Variants in SOD1 observed in about 807,000 individuals in gnomAD.
SOD1 encodes superoxide dismutase [Cu-Zn].
Under a neutral mutation model 15.9 loss-of-function variants are expected in SOD1, and 8 were observed. The ratio of observed to expected loss-of-function variants is 0.50; its 90% CI spans 0.30 to 0.91. SOD1 has a LOEUF of 0.91. Among genes scored for constraint, SOD1 ranks in the 40% least tolerant of loss-of-function variants. The pLI is 0.07. For synonymous variants in SOD1, 86 were observed against 71.2 expected, an observed-to-expected ratio of 1.21 and a Z score of -1.04; for missense variants, 137 against 194.5, an observed-to-expected ratio of 0.70 and a Z score of 1.76.
At chr21:31,661,394 C>T (rs903831664) in intron 1 of SOD1, among the ~76,000 whole-genome samples, 3 of 152,194 alleles carry the variant, frequency 2.0e-5, no homozygotes, top group Non-Finnish European at 2.9e-5. Context: ...GACCAAGTCT[C>T]GCTCTGTCGC....
intron 4 of SOD1, among the ~76,000 whole-genome samples, 187 bp downstream of exon 4, chr21:31,667,562 C>T (rs1955205684): frequency 6.6e-6 from 1 of 152,170 alleles, no homozygotes; most frequent in African/African-American, 2.4e-5. Context: ...CAGTTAAGAA[C>T]ACTGTTCTGC....
At chr21:31,663,664 T>G (rs1468522502) in intron 1 of SOD1, 126 bp from the exon 2 acceptor site, 1 of 730,120 alleles carries the variant, frequency 1.4e-6, no homozygotes, top group Non-Finnish European at 2.4e-6. Context: ...GTGGTCAGCC[T>G]GGGATTTGGA....
chr21:31,666,658 G>T, intron 3 of SOD1, 140 bp downstream of exon 3: 1 of 717,776 alleles, frequency 1.4e-6, no homozygotes. Context: ...CTAAACCCCT[G>T]CTCCCAAATG....
chr21:31,667,629 CAG>C (rs1439248643), intron 4 of SOD1, among the ~76,000 whole-genome samples: 5 of 152,198 alleles, frequency 3.3e-5, no homozygotes, highest in African/African-American at 1.2e-4. Flanking sequence ...GTTTGGAAAA[CAG>C]AAGTAGTCTT....
chr21:31,668,772 CT>C lies in SOD1; in HGVS notation c.*195del, dbSNP rs2049622955. ...GGAAGATTTGTATAGTTTTATAAAACTCAGTTAAAATGTCTGTTTCAATGAC... is the reference window on the plus strand; with the variant it reads ...GGAAGATTTGTATAGTTTTATAAAACCAGTTAAAATGTCTGTTTCAATGAC... On this transcript the variant is annotated 3_prime_UTR_variant, in exon 5 of 5. Coordinates refer to ENST00000270142, the MANE Select transcript of SOD1 (RefSeq NM_000454.5). 1.7e-6 allele frequency: 1 copy of C among 580,540 alleles called. No individual in the cohort carries two copies. Among genetic ancestry groups the C allele is most frequent in the Non-Finnish European group, 3.1e-6 (1 of 325,000 alleles). The allele number at this position is 580,540 out of a possible 1,614,324, so 36.0% of individuals were successfully genotyped here.
chr21:31,666,717 A>G (rs912316885), intron 3 of SOD1, 199 bp downstream of exon 3: 4 of 618,662 alleles, frequency 6.5e-6, no homozygotes, highest in Non-Finnish European at 8.6e-6. Context: ...AAATGGGGAC[A>G]CTTAAAACGA....
chr21:31,660,865 C>G (rs2049543007), intron 1 of SOD1, among the ~76,000 whole-genome samples: 1 of 152,190 alleles, frequency 6.6e-6, no homozygotes, highest in African/African-American at 2.4e-5. Context: ...TAACTGTTGT[C>G]GGAGCATTTC....
At chr21:31,659,874 C>T in intron 1 of SOD1, 33 bp downstream of exon 1, 1 of 1,592,180 alleles carries the variant, frequency 6.3e-7, no homozygotes, top group Non-Finnish European at 8.6e-7. Context: ...GTTTGCGAGG[C>T]CGCTCCCACC....
chr21:31,662,541 C>T (rs2049556930), intron 1 of SOD1, among the ~76,000 whole-genome samples: 2 of 152,152 alleles, frequency 1.3e-5, no homozygotes, highest in African/African-American at 2.4e-5. Context: ...CACGGAGCAC[C>T]ATTACCTGTC....
At chr21:31,662,085 A>G (rs1335235791) in intron 1 of SOD1, among the ~76,000 whole-genome samples, 1 of 152,102 alleles carries the variant, frequency 6.6e-6, no homozygotes, top group Non-Finnish European at 1.5e-5. Context: ...GGCCTGTGTT[A>G]TTCACTTAAG....
At chr21:31,664,437 T>G (rs988106686) in intron 2 of SOD1, 1 of 183,528 alleles carries the variant, frequency 5.4e-6, no homozygotes, top group African/African-American at 2.4e-5. Flanking sequence ...GTGGACCTGC[T>G]TCTGAAGGTC....
Position 31,659,699 on chromosome 21 carries a change from T to A in SOD1, c.-71T>A. 3 of 1,510,304 alleles carry A rather than the reference T, an allele frequency of 2.0e-6. No individual in the cohort carries two copies. Among genetic ancestry groups the A allele is most frequent in the Non-Finnish European group, 2.8e-6 (3 of 1,086,904 alleles). The allele number at this position is 1,510,304 out of a possible 1,614,324, so 93.6% of individuals were successfully genotyped here. A position where few individuals can be genotyped will look rare whatever the true frequency, so the allele number is the denominator to read the frequency against. On this transcript the variant is annotated 5_prime_UTR_variant, in exon 1 of 5. Transcript: ENST00000270142. ...GGAGACGGGGTGCTGGTTTGCGTCGTAGTCTCCTGCAGCGTCTGGGGTTTC... is the reference window on the plus strand; with the variant it reads ...GGAGACGGGGTGCTGGTTTGCGTCGAAGTCTCCTGCAGCGTCTGGGGTTTC...
At chr21:31,660,267 A>T (rs1568807766) in intron 1 of SOD1, 2 of 152,360 alleles carry the variant, frequency 1.3e-5, no homozygotes, top group East Asian at 3.9e-4. Flanking sequence ...GCGCAGTGCC[A>T]GGCCCAGCCC....
chr21:31,668,654 A>C lies in SOD1; in HGVS notation c.*76A>C, dbSNP rs955759160. On this transcript the variant is annotated 3_prime_UTR_variant, in exon 5 of 5. Transcript: ENST00000270142. ...TAGCTGTAGAAATGTATCCTGATAA[A>C]CATTAAACACTGTAATCTTAAAAGT... is the stretch of plus-strand genomic sequence containing the variant. 15 of 1,065,106 alleles carry C rather than the reference A, an allele frequency of 1.4e-5. No individual in the cohort carries two copies. Among genetic ancestry groups the C allele is most frequent in the Non-Finnish European group, 2.2e-5 (15 of 682,672 alleles). The allele number at this position is 1,065,106 out of a possible 1,614,324, so 66.0% of individuals were successfully genotyped here. A position where few individuals can be genotyped will look rare whatever the true frequency, so the allele number is the denominator to read the frequency against.
At chr21:31,667,420 C>G in intron 4 of SOD1, 45 bp downstream of exon 4, 4 of 1,258,500 alleles carry the variant, frequency 3.2e-6, no homozygotes. Context: ...TTCTAACATA[C>G]AGTCATGTAT....
In SOD1 at chr21:31,668,925, A is replaced by C. The variant is rs577484556; in HGVS notation, c.*347A>C. 3.7e-6 allele frequency: 1 copy of C among 266,952 alleles called. No individual in the cohort carries two copies. The highest frequency in any genetic ancestry group is 7.3e-6 in the Non-Finnish European group (1 of 137,068). The allele number at this position is 266,952 out of a possible 1,614,324, so 16.5% of individuals were successfully genotyped here. On this transcript the variant is annotated 3_prime_UTR_variant, in exon 5 of 5. Transcript: ENST00000270142. ...AGGCTATTAAAAGAATCCAAATTCA[A>C]ACTAAATTAGCTCTGATACTTATTT...
chr21:31,667,051 G>C (rs1026816169), intron 3 of SOD1: 1 of 609,200 alleles, frequency 1.6e-6, no homozygotes, highest in African/African-American at 1.8e-5. Context: ...TTACCCTTTG[G>C]TACTTCTGAA....
rs1030039318 is a variant in SOD1 at position 31,666,472 on chromosome 21, T to C, written c.193T>C (p.Phe65Leu). ...AGGCTGTACCAGTGCAGGTCCTCAC[T>C]TTAATCCTCTATCCAGAAAACACGG... ...TAGCTSAGPH[F>L]NPLSRKHGGP... The change falls in exon 3 of 5, where the codon TTT becomes CTT. Residue 65 changes from phenylalanine to leucine, a missense_variant. By Grantham distance (22) the Phe-to-Leu change is conservative. Coordinates refer to ENST00000270142, the MANE Select transcript of SOD1 (RefSeq NM_000454.5). The C allele has an allele frequency of 1.2e-6, 2 of 1,612,868 alleles. No homozygotes were observed. The highest frequency in any genetic ancestry group is 1.3e-5 in the African/African-American group (1 of 74,910).
At chr21:31,663,567 G>C (rs1036235368) in intron 1 of SOD1, among the ~76,000 whole-genome samples, 26 of 152,162 alleles carry the variant, frequency 1.7e-4, no homozygotes, top group Admixed American at 6.5e-5. Flanking sequence ...CTTGTGCATT[G>C]AGTGTGGGAA....
Sources: gnomAD v4.1 joint callset for allele counts (sites outside exome capture counted in the v4.1 genomes callset) on GRCh38, gnomAD v4.1.1 for gene constraint, MANE v1.5 for transcripts, NCBI Gene and HGNC (gene_info 2026-07-23, HGNC 2026-07-21) for gene names.